The following GPC6 variants were observed in gnomAD, a reference collection of about 807,000 sequenced individuals.
GPC6 encodes glypican-6.
A neutral mutation model predicts 55.2 loss-of-function variants in GPC6; 14 were observed. That is an observed-to-expected ratio of 0.25 (90% CI 0.17 to 0.40). GPC6 has a LOEUF of 0.40. Ranked by LOEUF, GPC6 falls within the 10% of genes least tolerant of loss-of-function variation. The probability of loss-of-function intolerance (pLI) is 1.00; values close to 1 mark genes in which losing one functional copy is unlikely to be tolerated. For missense variants in GPC6, 641 were observed against 708.5 expected, an observed-to-expected ratio of 0.90 and a Z score of 1.08; for synonymous variants, 278 against 259.6, an observed-to-expected ratio of 1.07 and a Z score of -0.68.
At chr13:93,998,447 T>C (rs540930444) in intron 3 of GPC6, among the ~76,000 whole-genome samples, 45 of 152,288 alleles carry the variant, frequency 3.0e-4, no homozygotes, top group Non-Finnish European at 5.4e-4. Context: ...CAGTTCCTTC[T>C]AGCAAAAGCT....
At chr13:93,919,286 A>G (rs1877446815) in intron 3 of GPC6, among the ~76,000 whole-genome samples, 2 of 152,202 alleles carry the variant, frequency 1.3e-5, no homozygotes, top group Admixed American at 6.5e-5. Flanking sequence ...TTATAGCAGC[A>G]CAAGAAAGAC....
intron 2 of GPC6, among the ~76,000 whole-genome samples, chr13:93,800,861 G>T (rs1269071311): frequency 6.6e-6 from 1 of 152,032 alleles, no homozygotes. Context: ...CAATATTATG[G>T]AACATTTCTC....
intron 2 of GPC6, among the ~76,000 whole-genome samples, chr13:93,651,736 C>A (rs986524225): frequency 6.6e-5 from 10 of 152,142 alleles, no homozygotes; most frequent in Admixed American, 2.6e-4. Context: ...CCTTGCTTCA[C>A]CAGCTCAGGC....
chr13:93,494,432 G>A (rs1880169143), intron 1 of GPC6, among the ~76,000 whole-genome samples: 1 of 151,614 alleles, frequency 6.6e-6, no homozygotes, highest in Admixed American at 6.6e-5. Flanking sequence ...CACGTGAGAT[G>A]GGTTTCCTGA....
intron 1 of GPC6, among the ~76,000 whole-genome samples, chr13:93,229,181 C>A (rs796751986): frequency 9.2e-5 from 14 of 152,268 alleles, no homozygotes; most frequent in African/African-American, 2.9e-4. Context: ...TTTCTTAACT[C>A]TCCTTCTCCT....
intron 2 of GPC6, among the ~76,000 whole-genome samples, chr13:93,590,324 T>C (rs547225953): frequency 6.6e-6 from 1 of 152,334 alleles, no homozygotes; most frequent in East Asian, 1.9e-4. Flanking sequence ...ATCTAATGAA[T>C]GCAGAACTTA....
At chr13:93,358,625 A>G (rs571221137) in intron 1 of GPC6, among the ~76,000 whole-genome samples, 6 of 152,328 alleles carry the variant, frequency 3.9e-5, no homozygotes, top group African/African-American at 1.4e-4. Flanking sequence ...TTTATCATGT[A>G]GGAATATGCA....
intron 2 of GPC6, among the ~76,000 whole-genome samples, chr13:93,717,228 T>A (rs528612519): frequency 8.6e-5 from 13 of 151,716 alleles, no homozygotes; most frequent in African/African-American, 2.9e-4. Context: ...ATAGTTCAAC[T>A]TGAGTACTGT....
At chr13:93,323,232 G>C (rs2025946) in intron 1 of GPC6, among the ~76,000 whole-genome samples, 2 of 151,860 alleles carry the variant, frequency 1.3e-5, no homozygotes, top group African/African-American at 4.8e-5. Context: ...ATATTTTTGT[G>C]ATGCTCACCA....
chr13:93,692,321 A>G (rs1882288151), intron 2 of GPC6, among the ~76,000 whole-genome samples: 1 of 152,094 alleles, frequency 6.6e-6, no homozygotes, highest in African/African-American at 2.4e-5. Flanking sequence ...ACAATATTTG[A>G]AACTATTTTA....
intron 2 of GPC6, among the ~76,000 whole-genome samples, chr13:93,694,439 T>C (rs1171315785): frequency 6.6e-6 from 1 of 152,208 alleles, no homozygotes; most frequent in Non-Finnish European, 1.5e-5. Context: ...TTCATCTCTT[T>C]CCACAAAAAC....
intron 2 of GPC6, among the ~76,000 whole-genome samples, chr13:93,587,463 A>G (rs529818986): frequency 1.3e-5 from 2 of 152,240 alleles, no homozygotes; most frequent in African/African-American, 2.4e-5. Context: ...ATAGTTTCAT[A>G]TTTTTGGTGG....
intron 3 of GPC6, among the ~76,000 whole-genome samples, chr13:94,022,249 A>G (rs149044780): frequency 6.4e-4 from 98 of 152,020 alleles, no homozygotes; most frequent in African/African-American, 2.3e-3. Flanking sequence ...TCCTGACCCA[A>G]TCCTAACCCT....
chr13:93,695,689 T>C (rs1882427278), intron 2 of GPC6, among the ~76,000 whole-genome samples: 1 of 151,988 alleles, frequency 6.6e-6, no homozygotes, highest in African/African-American at 2.4e-5. Context: ...AGATGAAAAA[T>C]GGATATTTAA....
At chr13:93,375,631 G>C (rs1177158783) in intron 1 of GPC6, among the ~76,000 whole-genome samples, 1 of 152,200 alleles carries the variant, frequency 6.6e-6, no homozygotes, top group Admixed American at 6.5e-5. Context: ...CAACTTCAGA[G>C]GGCCCTTCGC....
intron 6 of GPC6, among the ~76,000 whole-genome samples, chr13:94,353,093 A>G (rs964719619): frequency 6.6e-6 from 1 of 152,150 alleles, no homozygotes; most frequent in Non-Finnish European, 1.5e-5. Context: ...TTCCTTCCTC[A>G]GTGCTAAGGA....
At chr13:93,996,812 G>A (rs1002039154) in intron 3 of GPC6, among the ~76,000 whole-genome samples, 15 of 152,108 alleles carry the variant, frequency 9.9e-5, no homozygotes, top group Admixed American at 7.2e-4. Flanking sequence ...TATTTAGGTG[G>A]AAGTTCGTAG....
At chr13:93,324,910 C>T (rs1473263882) in intron 1 of GPC6, among the ~76,000 whole-genome samples, 1 of 151,956 alleles carries the variant, frequency 6.6e-6, no homozygotes, top group Non-Finnish European at 1.5e-5. Context: ...TTTTAGGCCC[C>T]TCTAGTAGGA....
chr13:93,225,486 G>GT (rs66859110), upstream of GPC6, among the ~76,000 whole-genome samples: 32 of 151,444 alleles, frequency 2.1e-4, no homozygotes, highest in African/African-American at 4.9e-4. Context: ...TAGCTATGGA[G>GT]TTTTTTTTTT....
Sources: gnomAD v4.1 joint callset for allele counts (sites outside exome capture counted in the v4.1 genomes callset) on GRCh38, gnomAD v4.1.1 for gene constraint, MANE v1.5 for transcripts, NCBI Gene and HGNC (gene_info 2026-07-23, HGNC 2026-07-21) for gene names.